NBAS: variants seen among roughly 807,000 people sequenced by gnomAD.
The protein encoded by NBAS is NAG/BC035112 fusion.
NBAS carries 219 observed loss-of-function variants against 302.5 expected under a neutral mutation model. The observed-to-expected ratio is 0.72, with a 90% CI of 0.65 to 0.81. The LOEUF is 0.81. Among genes scored for constraint, NBAS ranks in the 30% least tolerant of loss-of-function variants. The probability of loss-of-function intolerance (pLI) is 0.00; values close to 1 mark genes in which losing one functional copy is unlikely to be tolerated. For synonymous variants in NBAS, 1,118 were observed against 1,021.6 expected (o/e 1.09, Z -1.80); for missense variants, 2,932 against 2,841.6 (o/e 1.03, Z -0.72).
At chr2:14,904,588 T>C in the NBAS span, among the ~76,000 whole-genome samples, 23 of 95,728 alleles carry the variant, frequency 2.4e-4, no homozygotes, top group African/African-American at 7.9e-4. Context: ...CTCAGTATGA[T>C]AGGCTGTGTC....
At chr2:14,870,638 G>GAA in the NBAS span, among the ~76,000 whole-genome samples, 1 of 142,916 alleles carries the variant, frequency 7.0e-6, no homozygotes, top group Non-Finnish European at 1.5e-5. Context: ...TCCTAGGAGT[G>GAA]AAAAAAAAAA....
intron 12 of NBAS, among the ~76,000 whole-genome samples, chr2:15,479,404 C>T (rs1680330505): frequency 6.6e-6 from 1 of 152,172 alleles, no homozygotes; most frequent in South Asian, 2.1e-4. Context: ...GACAATTTTT[C>T]AATGCCTCCA....
At chr2:14,974,856 C>G in the NBAS span, among the ~76,000 whole-genome samples, 1 of 152,208 alleles carries the variant, frequency 6.6e-6, no homozygotes, top group East Asian at 1.9e-4. Flanking sequence ...GGATAGTTGT[C>G]TGGATGGATC....
At chr2:15,031,424 T>G in the NBAS span, among the ~76,000 whole-genome samples, 1 of 152,172 alleles carries the variant, frequency 6.6e-6, no homozygotes, top group African/African-American at 2.4e-5. Context: ...ACAGAGCTCT[T>G]TCAAATTTTG....
chr2:15,114,062 C>G, the NBAS span, among the ~76,000 whole-genome samples: 1 of 152,070 alleles, frequency 6.6e-6, no homozygotes, highest in Non-Finnish European at 1.5e-5. Flanking sequence ...TATTAAATTA[C>G]AGGAATCAAT....
At chr2:15,342,065 C>T (rs143286747) in intron 35 of NBAS, among the ~76,000 whole-genome samples, 32 of 152,070 alleles carry the variant, frequency 2.1e-4, no homozygotes, top group African/African-American at 7.5e-4. Flanking sequence ...GTAAACAAAA[C>T]AAAGTGAGCA....
chr2:15,301,107 T>C (rs1214703660), intron 40 of NBAS, among the ~76,000 whole-genome samples: 1 of 152,036 alleles, frequency 6.6e-6, no homozygotes, highest in Admixed American at 6.6e-5. Flanking sequence ...CTGCTGGGAA[T>C]TACCCGTTAA....
intron 51 of NBAS, among the ~76,000 whole-genome samples, chr2:15,168,385 T>A (rs895607854): frequency 6.6e-6 from 1 of 152,218 alleles, no homozygotes; most frequent in Admixed American, 6.5e-5. Context: ...ACTGTGAGAA[T>A]TAAAGCAAGA....
At chr2:15,500,499 GTC>G (rs199545981) in intron 11 of NBAS, among the ~76,000 whole-genome samples, 2,405 of 110,248 alleles carry the variant, frequency 0.022, 68 homozygotes, top group African/African-American at 0.079. Context: ...TATTTTAGAA[GTC>G]TCACACACAC....
chr2:14,865,379 G>A, the NBAS span, among the ~76,000 whole-genome samples: 1 of 152,112 alleles, frequency 6.6e-6, no homozygotes, highest in Non-Finnish European at 1.5e-5. Flanking sequence ...GAAAATGTGA[G>A]AAATCTCTCG....
At chr2:14,982,573 G>GA in the NBAS span, among the ~76,000 whole-genome samples, 1 of 152,060 alleles carries the variant, frequency 6.6e-6, no homozygotes, top group East Asian at 1.9e-4. Flanking sequence ...TATCTAGAGA[G>GA]AAAAAGCTTT....
the NBAS span, among the ~76,000 whole-genome samples, chr2:14,838,373 C>T: frequency 6.6e-6 from 1 of 151,864 alleles, no homozygotes. Flanking sequence ...CAATTTCAGG[C>T]TTTTCAAAGT....
chr2:15,256,408 C>T (rs1668595231), intron 44 of NBAS, among the ~76,000 whole-genome samples: 2 of 152,062 alleles, frequency 1.3e-5, no homozygotes, highest in Non-Finnish European at 2.9e-5. Flanking sequence ...TACACTGAGA[C>T]TTTACTGAAT....
chr2:14,911,408 G>A, the NBAS span, among the ~76,000 whole-genome samples: 1 of 152,136 alleles, frequency 6.6e-6, no homozygotes, highest in Non-Finnish European at 1.5e-5. Context: ...CAATTGAGGT[G>A]GCATGAATAC....
At chr2:14,907,027 G>A in the NBAS span, among the ~76,000 whole-genome samples, 3 of 152,116 alleles carry the variant, frequency 2.0e-5, no homozygotes, top group Non-Finnish European at 2.9e-5. Context: ...CATGCCTGTC[G>A]CCCACTTCCT....
chr2:14,801,687 C>T, the NBAS span, among the ~76,000 whole-genome samples: 1 of 151,774 alleles, frequency 6.6e-6, no homozygotes, highest in South Asian at 2.1e-4. Context: ...CTTTGCATTC[C>T]TGGTAATTTT....
intron 9 of NBAS, among the ~76,000 whole-genome samples, chr2:15,526,930 C>T (rs1400539432): frequency 6.6e-6 from 1 of 152,036 alleles, no homozygotes; most frequent in Non-Finnish European, 1.5e-5. Flanking sequence ...GTAATCATTT[C>T]AATCCTACGG....
At chr2:15,442,681 A>T (rs1346624011) in intron 21 of NBAS, among the ~76,000 whole-genome samples, 3 of 152,006 alleles carry the variant, frequency 2.0e-5, no homozygotes, top group African/African-American at 4.8e-5. Context: ...ATAGAGACAC[A>T]AAAAACCCTT....
chr2:15,047,900 C>G, the NBAS span, among the ~76,000 whole-genome samples: 1 of 152,282 alleles, frequency 6.6e-6, no homozygotes, highest in Non-Finnish European at 1.5e-5. Flanking sequence ...AATGGGGATA[C>G]TGACCTCAAA....
Sources: allele counts gnomAD v4.1 joint callset (sites outside exome capture counted in the v4.1 genomes callset), GRCh38; gene constraint gnomAD v4.1.1; transcripts MANE v1.5; gene names NCBI Gene and HGNC (gene_info 2026-07-23, HGNC 2026-07-21).